The following LOC400499 variants were observed in gnomAD, a reference collection of about 807,000 sequenced individuals.
chr16:11,440,755 C>T, the LOC400499 span: 20 of 399,072 alleles, frequency 5.0e-5, no homozygotes, highest in Admixed American at 3.1e-4. Context: ...GACGGCAGCT[C>T]GTGCATCCAT....
chr16:11,380,073 T>C, the LOC400499 span, among the ~76,000 whole-genome samples: 1 of 152,118 alleles, frequency 6.6e-6, no homozygotes. Context: ...TCCTTCGGAG[T>C]AGCTGAGACT....
At chr16:11,460,726 C>T in the LOC400499 span, 2 of 1,386,010 alleles carry the variant, frequency 1.4e-6, no homozygotes, top group African/African-American at 1.4e-5. Flanking sequence ...CCATGCTTTG[C>T]TCCACCTGTC....
the LOC400499 span, among the ~76,000 whole-genome samples, chr16:11,395,688 T>C: frequency 0.65 from 98,952 of 152,120 alleles, 34,197 homozygotes; most frequent in Non-Finnish European, 0.76. Context: ...GCAAGGGAGA[T>C]GGTATTTGTT....
chr16:11,398,791 C>A, the LOC400499 span, among the ~76,000 whole-genome samples: 1 of 152,182 alleles, frequency 6.6e-6, no homozygotes, highest in South Asian at 2.1e-4. Flanking sequence ...TCCCAAATAG[C>A]TAGGATTACA....
the LOC400499 span, among the ~76,000 whole-genome samples, chr16:11,463,626 A>T: frequency 6.6e-6 from 1 of 152,192 alleles, no homozygotes; most frequent in Admixed American, 6.5e-5. Context: ...ATGTATGCAT[A>T]CAGATATGTC....
At chr16:11,387,408 G>C in the LOC400499 span, 1 of 866,218 alleles carries the variant, frequency 1.2e-6, no homozygotes, top group Non-Finnish European at 1.5e-6. Flanking sequence ...GAGCATGAGG[G>C]TGCCTTTCAG....
the LOC400499 span, among the ~76,000 whole-genome samples, chr16:11,464,392 A>T: frequency 6.6e-6 from 1 of 152,214 alleles, no homozygotes; most frequent in Non-Finnish European, 1.5e-5. Flanking sequence ...TGAACACAGA[A>T]TTTCTCACCC....
At chr16:11,389,584 C>G in the LOC400499 span, among the ~76,000 whole-genome samples, 1 of 142,604 alleles carries the variant, frequency 7.0e-6, no homozygotes, top group Non-Finnish European at 1.5e-5. Flanking sequence ...ACTAGGGAGG[C>G]TGAGGCAGGA....
the LOC400499 span, chr16:11,523,718 G>C: frequency 2.9e-6 from 1 of 344,668 alleles, no homozygotes. Context: ...GATAGCTCAA[G>C]CTGCCAATCA....
the LOC400499 span, among the ~76,000 whole-genome samples, chr16:11,422,123 T>C: frequency 6.6e-6 from 1 of 152,176 alleles, no homozygotes; most frequent in African/African-American, 2.4e-5. Flanking sequence ...GGGAGCAGGC[T>C]GGGTACATGG....
At chr16:11,478,726 G>T in the LOC400499 span, 2 of 398,968 alleles carry the variant, frequency 5.0e-6, no homozygotes, top group Admixed American at 4.4e-5. Flanking sequence ...ACACAGTCAG[G>T]GTTAGCAGAG....
the LOC400499 span, among the ~76,000 whole-genome samples, chr16:11,373,760 C>T: frequency 1.3e-5 from 2 of 152,168 alleles, no homozygotes; most frequent in African/African-American, 2.4e-5. Context: ...GCTGGGATTA[C>T]AGGTACATGC....
At chr16:11,378,986 G>T in the LOC400499 span, among the ~76,000 whole-genome samples, 4 of 152,180 alleles carry the variant, frequency 2.6e-5, no homozygotes, top group Non-Finnish European at 1.5e-5. Flanking sequence ...GTATTGGGCC[G>T]GGTGCAGTGG....
chr16:11,522,512 A>C, the LOC400499 span, among the ~76,000 whole-genome samples: 1 of 152,196 alleles, frequency 6.6e-6, no homozygotes, highest in Non-Finnish European at 1.5e-5. Flanking sequence ...GACAACCAAA[A>C]ATGTCCCCAG....
chr16:11,378,421 G>A, the LOC400499 span, among the ~76,000 whole-genome samples: 901 of 151,940 alleles, frequency 5.9e-3, 5 homozygotes, highest in Admixed American at 0.016. Flanking sequence ...CTGCCACCAC[G>A]CCTGGCTAAA....
At chr16:11,391,644 G>T in the LOC400499 span, 4 of 1,232,032 alleles carry the variant, frequency 3.2e-6, no homozygotes, top group Non-Finnish European at 4.0e-6. Context: ...ACAGGATTGA[G>T]CCCTCCCCCT....
At chr16:11,460,419 C>G in the LOC400499 span, 2 of 1,465,130 alleles carry the variant, frequency 1.4e-6, no homozygotes, top group Non-Finnish European at 1.8e-6. Flanking sequence ...GTACTCAGAT[C>G]ACCACTTGCC....
the LOC400499 span, chr16:11,462,092 G>T: frequency 6.8e-7 from 1 of 1,465,642 alleles, no homozygotes; most frequent in South Asian, 1.4e-5. Context: ...AGAGCAGAGG[G>T]GACAGAAGGG....
At chr16:11,515,502 CGT>C in the LOC400499 span, among the ~76,000 whole-genome samples, 3 of 150,670 alleles carry the variant, frequency 2.0e-5, no homozygotes, top group African/African-American at 7.4e-5. Flanking sequence ...TACATACGTA[CGT>C]ACATACATAC....
Sources: gnomAD v4.1 joint callset for allele counts (sites outside exome capture counted in the v4.1 genomes callset) on GRCh38, gnomAD v4.1.1 for gene constraint, MANE v1.5 for transcripts.